NFASC: variants seen among roughly 807,000 people sequenced by gnomAD.
NFASC encodes neurofascin homolog.
A neutral mutation model predicts 147.5 loss-of-function variants in NFASC; 43 were observed. The ratio of observed to expected loss-of-function variants is 0.29; its 90% CI spans 0.23 to 0.38. The LOEUF (loss-of-function observed/expected upper bound fraction) is 0.38, where lower values mean the gene tolerates loss of function less well. NFASC is among the 10% of genes least tolerant of loss of function. The pLI is 1.00. For missense variants in NFASC, 1,320 were observed against 1,689.0 expected (o/e 0.78, Z 3.83); for synonymous variants, 622 against 665.5 (o/e 0.93, Z 1.01).
intron 1 of NFASC, among the ~76,000 whole-genome samples, chr1:204,866,602 C>T (rs527669454): frequency 2.0e-5 from 3 of 152,160 alleles, no homozygotes; most frequent in Admixed American, 2.0e-4. Context: ...TCTAAAGGCC[C>T]TGAGGCAGTG....
intron 1 of NFASC, among the ~76,000 whole-genome samples, chr1:204,887,008 G>A (rs180688945): frequency 2.6e-5 from 4 of 152,032 alleles, no homozygotes; most frequent in African/African-American, 4.8e-5. Context: ...AATATAAAAT[G>A]TACCATTTTA....
At position 204,939,038 on chromosome 1, in the gene NFASC, A is replaced by ATGTGTGTGTGTGTG. The variant is rs60166382; in HGVS notation, c.-90-5152_-90-5139dup. ...TTCTCTTTTCTTCCTGTATGGATGG[A>ATGTGTGTGTGTGTG]TGTGTGTGTGTGTGTGTGTGTGTGT... On this transcript the variant is annotated intron_variant, in intron 2 of 29. Coordinates refer to ENST00000339876, the MANE Select transcript of NFASC (RefSeq NM_001005388.3). 9.1e-3 allele frequency among the ~76,000 whole-genome samples: 1,120 copies of ATGTGTGTGTGTGTG among 123,664 alleles called. 18 individuals carry two copies. Among genetic ancestry groups the ATGTGTGTGTGTGTG allele is most frequent in the African/African-American group, 0.012 (383 of 32,838 alleles). 81.1% of individuals were successfully genotyped at this position (123,664 alleles called of 152,430 possible).
intron 1 of NFASC, among the ~76,000 whole-genome samples, chr1:204,911,791 A>T (rs1377176248): frequency 6.6e-6 from 1 of 152,132 alleles, no homozygotes; most frequent in Non-Finnish European, 1.5e-5. Context: ...TTAAATTATT[A>T]ATTTCATTTT....
At chr1:204,977,226 G>A (rs145401739) in intron 16 of NFASC, 60 of 561,322 alleles carry the variant, frequency 1.1e-4, no homozygotes, top group African/African-American at 8.1e-4. Flanking sequence ...TTTTGGTAGC[G>A]TTTCATCACA....
chr1:204,905,964 G>A (rs796406125), intron 1 of NFASC, among the ~76,000 whole-genome samples: 23 of 152,230 alleles, frequency 1.5e-4, no homozygotes, highest in African/African-American at 5.5e-4. Flanking sequence ...GTGTAAATTG[G>A]TTTCTGATAA....
intron 1 of NFASC, among the ~76,000 whole-genome samples, chr1:204,838,892 G>A (rs1291520783): frequency 1.3e-5 from 2 of 152,204 alleles, no homozygotes; most frequent in Non-Finnish European, 2.9e-5. Flanking sequence ...GTATCAAAGG[G>A]TGATAAATGC....
At chr1:204,988,140 T>C (rs541145470) in intron 22 of NFASC, among the ~76,000 whole-genome samples, 3 of 152,312 alleles carry the variant, frequency 2.0e-5, no homozygotes, top group African/African-American at 7.2e-5. Context: ...AAGAGCCAAA[T>C]GTTGTGTTGT....
At chr1:204,962,253 G>A in intron 8 of NFASC, 1 of 1,094,696 alleles carries the variant, frequency 9.1e-7, no homozygotes, top group Non-Finnish European at 1.4e-6. Context: ...CCTGCTGGGT[G>A]GCAGCTGGCC....
rs555954389 is a variant in NFASC, at chr1:204,877,199, G to T, written c.-199-43433G>T. Among the ~76,000 whole-genome samples, 6 of 149,752 alleles carry T rather than the reference G, an allele frequency of 4.0e-5. No individual in the cohort carries two copies. In the South Asian group the frequency reaches 1.0e-3, roughly 26 times the overall value. On this transcript the variant is annotated intron_variant, in intron 1 of 29. Transcript: ENST00000339876. ...TGTGAATATTCACAAAGCAGGGGATGCACACATGCACAGTAAGCAAACATG... is the reference window on the plus strand; with the variant it reads ...TGTGAATATTCACAAAGCAGGGGATTCACACATGCACAGTAAGCAAACATG...
intron 1 of NFASC, among the ~76,000 whole-genome samples, chr1:204,882,027 C>A (rs923324852): frequency 3.9e-5 from 6 of 152,100 alleles, no homozygotes; most frequent in African/African-American, 1.4e-4. Flanking sequence ...CATCCACCAA[C>A]CCCCACCCTG....
chr1:204,853,220 T>C (rs1357545403), intron 1 of NFASC, among the ~76,000 whole-genome samples: 2 of 152,216 alleles, frequency 1.3e-5, no homozygotes, highest in Admixed American at 6.5e-5. Flanking sequence ...TTTAATATAC[T>C]TGGAGTCCAT....
intron 1 of NFASC, among the ~76,000 whole-genome samples, chr1:204,857,916 C>CTTTT (rs777663775): frequency 0.014 from 1,800 of 133,160 alleles, 89 homozygotes; most frequent in African/African-American, 0.051. Flanking sequence ...CCTTCTTCTT[C>CTTTT]TTCTTTTTTT....
Position 205,015,666 on chromosome 1 carries a change from GC to G in NFASC, c.3492-635del, listed in dbSNP as rs569710977. Among the ~76,000 whole-genome samples, 9 of 151,946 alleles carry G rather than the reference GC, an allele frequency of 5.9e-5. No individual in the cohort carries two copies. The highest frequency in any genetic ancestry group is 1.2e-4 in the Non-Finnish European group (8 of 67,992). ...GCTGGCATCACCTGCTTACCTGTGT[GC>G]CCCCCCACCACCACCACTCTTGCGC... On this transcript the variant is annotated intron_variant, in intron 29 of 29. Transcript: ENST00000339876. This position sits in a 1 kb window ranked among gnomAD's most constrained non-coding sequence, Gnocchi z 4.0.
chr1:204,971,162 G>A (rs74696026), intron 11 of NFASC, among the ~76,000 whole-genome samples: 2,775 of 152,208 alleles, frequency 0.018, 86 homozygotes, highest in African/African-American at 0.063. Context: ...CTCAAGTTCC[G>A]CTCTCTGCTA....
chr1:204,954,525 A>G lies in NFASC; in HGVS notation c.412+141A>G. The stretch of plus-strand genomic sequence containing the variant: ...GTTCTCTATGCATCTTCCCCACCTC[A>G]GAATGATTCCCTGGAAAGGAAGCTC... On this transcript the variant is annotated intron_variant, in intron 6 of 29. Coordinates refer to ENST00000339876, the MANE Select transcript of NFASC (RefSeq NM_001005388.3). The surrounding 1 kb of genome is among the most constrained non-coding windows in gnomAD (Gnocchi z 5.7). The G allele has an allele frequency of 1.3e-6, 1 of 780,208 alleles. No homozygotes were observed. The highest frequency in any genetic ancestry group is 2.9e-5 in the Admixed American group (1 of 34,252). The allele number at this position is 780,208 out of a possible 1,614,324, so 48.3% of individuals were successfully genotyped here.
At chr1:204,933,090 G>A (rs2092511770) in intron 2 of NFASC, among the ~76,000 whole-genome samples, 1 of 152,180 alleles carries the variant, frequency 6.6e-6, no homozygotes, top group African/African-American at 2.4e-5. Flanking sequence ...AACCTTGAGT[G>A]CTGCACTCAG....
intron 24 of NFASC, among the ~76,000 whole-genome samples, chr1:204,996,354 G>A (rs904709067): frequency 3.3e-5 from 5 of 152,138 alleles, no homozygotes; most frequent in Non-Finnish European, 7.3e-5. Flanking sequence ...TGCTGAGTGC[G>A]GGTTATTCCA....
At chr1:204,866,298 G>A (rs558565573) in intron 1 of NFASC, among the ~76,000 whole-genome samples, 9 of 152,328 alleles carry the variant, frequency 5.9e-5, no homozygotes, top group Admixed American at 3.3e-4. Flanking sequence ...GGGGCAGAGA[G>A]GATGATCAAG....
At chr1:204,984,109 C>A (rs370114778) in intron 21 of NFASC, 1 of 1,613,882 alleles carries the variant, frequency 6.2e-7, no homozygotes, top group Non-Finnish European at 8.5e-7. Flanking sequence ...GCGTCTACTC[C>A]GACACGGTCC....
Sources: gnomAD v4.1 joint callset for allele counts (sites outside exome capture counted in the v4.1 genomes callset) on GRCh38, gnomAD v4.1.1 for gene constraint, Gnocchi (gnomAD v3.1) non-coding constraint, MANE v1.5 for transcripts, NCBI Gene and HGNC (gene_info 2026-07-23, HGNC 2026-07-21) for gene names.